Variants in SVOP observed in about 807,000 individuals in gnomAD.
SVOP encodes the protein SV2 related protein, also known as synaptic vesicle 2-related protein.
A neutral mutation model predicts 69.1 loss-of-function variants in SVOP; 17 were observed. That is an observed-to-expected ratio of 0.25 (90% confidence interval 0.17 to 0.37). The LOEUF is 0.37. Ranked by LOEUF, SVOP falls within the 10% of genes least tolerant of loss-of-function variation. The probability of loss-of-function intolerance (pLI) is 1.00; values close to 1 mark genes in which losing one functional copy is unlikely to be tolerated. For synonymous variants in SVOP, 238 were observed against 238.6 expected (o/e 1.00, Z 0.02); for missense variants, 435 against 597.5 (o/e 0.73, Z 2.84).
chr12:108,978,472 GCTC>G, intron 3 of SVOP, 103 bp downstream of exon 3: 1 of 589,778 alleles, frequency 1.7e-6, no homozygotes, highest in East Asian at 3.0e-5. Flanking sequence ...TCAAGCAAAG[GCTC>G]CATGTGCAAA....
intron 7 of SVOP, among the ~76,000 whole-genome samples, chr12:108,942,665 ACT>A (rs1247090504): frequency 6.6e-6 from 1 of 151,532 alleles, no homozygotes; most frequent in African/African-American, 2.4e-5. Context: ...TCATCATACA[ACT>A]CTCTGGGCAG....
intron 4 of SVOP, among the ~76,000 whole-genome samples, chr12:108,976,174 T>G (rs927700792): frequency 6.6e-6 from 1 of 152,114 alleles, no homozygotes; most frequent in African/African-American, 2.4e-5. Context: ...AGTGCCTCAC[T>G]CAAGGTCACA....
chr12:109,002,291 TAAA>T (rs777377785), intron 1 of SVOP, among the ~76,000 whole-genome samples: 638 of 31,560 alleles, frequency 0.02, 14 homozygotes, highest in Middle Eastern at 0.033. Flanking sequence ...TGGCAATCAT[TAAA>T]AAGTCAGGAA....
chr12:108,979,524 G>A (rs1048439135), intron 2 of SVOP, among the ~76,000 whole-genome samples: 3 of 152,126 alleles, frequency 2.0e-5, no homozygotes, highest in Non-Finnish European at 4.4e-5. Context: ...TTACCGATGT[G>A]AGCCACCATG....
chr12:108,911,854 TTGTCACCTGG>T lies in SVOP; in HGVS notation c.*671_*680del, dbSNP rs2039685412. ...CCCAGGGGGTAACGGCGTTCTGAGG[TTGTCACCTGG>T]TGCAAGACCAGCTGTCCCCAGGGAC... is the stretch of plus-strand genomic sequence containing the variant. On this transcript the variant is annotated 3_prime_UTR_variant, in exon 16 of 16. Coordinates refer to ENST00000610966, the MANE Select transcript of SVOP (RefSeq NM_018711.5). 6.6e-6 allele frequency: 1 copy of T among 151,642 alleles called. No individual in the cohort carries two copies. Among genetic ancestry groups the T allele is most frequent in the Non-Finnish European group, 1.5e-5 (1 of 67,982 alleles). The allele number at this position is 151,642 out of a possible 1,614,324, so 9.4% of individuals were successfully genotyped here.
intron 1 of SVOP, among the ~76,000 whole-genome samples, chr12:109,018,066 C>T (rs1416773094): frequency 6.6e-6 from 1 of 151,190 alleles, no homozygotes; most frequent in Admixed American, 6.6e-5. Flanking sequence ...TCCTTTGTAC[C>T]TAGGATGGTA....
At chr12:108,930,090 C>T (rs547768622) in intron 11 of SVOP, among the ~76,000 whole-genome samples, 7 of 151,870 alleles carry the variant, frequency 4.6e-5, no homozygotes, top group South Asian at 2.1e-4. Flanking sequence ...ATGTTTTTTT[C>T]GAATGATTTT....
In SVOP at chr12:108,974,050, C is replaced by T. The variant is rs750936849; in HGVS notation, c.382-1574G>A. On this transcript the variant is annotated intron_variant, in intron 4 of 15. Coordinates refer to ENST00000610966, the MANE Select transcript of SVOP (RefSeq NM_018711.5). ...TGAAAGCTGTGTGCTCTTTGGCACACGCAATTTGGAGAGCGTTTTTAAAAA... is the reference window on the plus strand; with the variant it reads ...TGAAAGCTGTGTGCTCTTTGGCACATGCAATTTGGAGAGCGTTTTTAAAAA... 1.6e-4 allele frequency among the ~76,000 whole-genome samples: 25 copies of T among 152,298 alleles called. 1 individual carries two copies. Among genetic ancestry groups the T allele is most frequent in the African/African-American group, 5.8e-4 (24 of 41,584 alleles).
chr12:108,977,260 TG>T, intron 4 of SVOP, 137 bp downstream of exon 4: 2 of 1,048,448 alleles, frequency 1.9e-6, no homozygotes, highest in Non-Finnish European at 2.7e-6. Flanking sequence ...ATATGTGAGG[TG>T]GGGATGGGAC....
intron 7 of SVOP, among the ~76,000 whole-genome samples, chr12:108,942,029 C>T (rs1320943721): frequency 2.6e-5 from 4 of 152,190 alleles, no homozygotes; most frequent in Non-Finnish European, 4.4e-5. Flanking sequence ...TTGGCAACCA[C>T]TATTCTACTT....
chr12:108,952,317 C>A (rs543481603), intron 6 of SVOP, among the ~76,000 whole-genome samples: 1 of 149,946 alleles, frequency 6.7e-6, no homozygotes, highest in African/African-American at 2.4e-5. Flanking sequence ...TCACCGCAAC[C>A]TCTAACCCCC....
rs36192896 is a variant in SVOP at position 108,959,351 on chromosome 12, CTTTTTT to C, written c.578+1566_578+1571del. Among the ~76,000 whole-genome samples the C allele has an allele frequency of 3.1e-4, 33 of 106,686 alleles. No individual in the cohort carries two copies. The East Asian group carries it at 3.5e-3, about 11-fold the overall frequency. 70.0% of individuals were successfully genotyped at this position (106,686 alleles called of 152,430 possible). A position where few individuals can be genotyped will look rare whatever the true frequency, so the allele number is the denominator to read the frequency against. ...ACCTGTCCAACCTCAGCTTTTAATT[CTTTTTT>C]TTTTTTTTTTTTTTGAGTCAGAGTC... On this transcript the variant is annotated intron_variant, in intron 6 of 15. Coordinates refer to ENST00000610966, the MANE Select transcript of SVOP (RefSeq NM_018711.5).
chr12:109,008,982 G>A (rs1434014677), intron 1 of SVOP, among the ~76,000 whole-genome samples: 3 of 100,414 alleles, frequency 3.0e-5, no homozygotes, highest in Non-Finnish European at 3.8e-5. Flanking sequence ...TTTTTTTTGA[G>A]ATGGAGTCTC....
chr12:108,921,035 TG>T (rs554221432), intron 12 of SVOP, among the ~76,000 whole-genome samples: 70 of 152,264 alleles, frequency 4.6e-4, no homozygotes, highest in African/African-American at 1.6e-3. Context: ...TCCAGGAGGT[TG>T]GGGCACATTA....
At chr12:109,011,515 T>C (rs2040341481) in intron 1 of SVOP, among the ~76,000 whole-genome samples, 3 of 152,170 alleles carry the variant, frequency 2.0e-5, no homozygotes, top group Admixed American at 2.0e-4. Flanking sequence ...CAGCAGGAAG[T>C]CTCACGTGTG....
rs2040014604 is a variant in SVOP, at chr12:108,960,963, G to A, written c.538C>T (p.Arg180Trp). 4 of 1,537,090 alleles carry A rather than the reference G, an allele frequency of 2.6e-6. No individual in the cohort carries two copies. The highest frequency in any genetic ancestry group is 4.9e-5 in the East Asian group (2 of 40,904). ...CCGATCCCGAAGCCCACCAGGCCCCGGAGCACCAGGATCCAGCTATACACG... is the reference window on the plus strand; with the variant it reads ...CCGATCCCGAAGCCCACCAGGCCCCAGAGCACCAGGATCCAGCTATACACG... The part of the protein sequence containing the change: ...APVYSWILVL[R>W]GLVGFGIGGV... Residue 180 changes from arginine to tryptophan, a missense_variant, in exon 6 of 16, where the codon CGG becomes TGG. Arg to Trp is a moderately radical substitution (Grantham distance 101). Coordinates refer to ENST00000610966, the MANE Select transcript of SVOP (RefSeq NM_018711.5).
At chr12:109,019,017 A>T (rs1444231190) in intron 1 of SVOP, among the ~76,000 whole-genome samples, 24 of 152,160 alleles carry the variant, frequency 1.6e-4, no homozygotes. Flanking sequence ...TTTGAACCCA[A>T]GTATGTCTGA....
At chr12:109,004,340 T>C (rs918977911) in intron 1 of SVOP, among the ~76,000 whole-genome samples, 5 of 152,042 alleles carry the variant, frequency 3.3e-5, no homozygotes, top group African/African-American at 1.2e-4. Context: ...CTAAAGATCT[T>C]GTTTGTACCA....
intron 15 of SVOP, among the ~76,000 whole-genome samples, chr12:108,913,240 T>C (rs1282859359): frequency 6.6e-6 from 1 of 152,082 alleles, no homozygotes; most frequent in Non-Finnish European, 1.5e-5. Flanking sequence ...TTTGTATTTT[T>C]AGTAGAGATG....
Sources: gnomAD v4.1 joint callset for allele counts (sites outside exome capture counted in the v4.1 genomes callset) on GRCh38, gnomAD v4.1.1 for gene constraint, MANE v1.5 for transcripts, NCBI Gene and HGNC (gene_info 2026-07-23, HGNC 2026-07-21) for gene names.